The following DGKG variants were observed in gnomAD, a reference collection of about 807,000 sequenced individuals.
The protein encoded by DGKG is DAG kinase gamma.
Under a neutral mutation model 105.3 loss-of-function variants are expected in DGKG, and 78 were observed. The ratio of observed to expected loss-of-function variants is 0.74; its 90% CI spans 0.62 to 0.89. The LOEUF is 0.89. DGKG is among the 40% of genes least tolerant of loss of function. DGKG has a pLI of 0.00. For synonymous variants in DGKG, 346 were observed against 367.1 expected (o/e 0.94, Z 0.66); for missense variants, 958 against 1,020.1 (o/e 0.94, Z 0.83).
At chr3:186,258,688 G>A (rs750889719) in intron 16 of DGKG, among the ~76,000 whole-genome samples, 15 of 152,028 alleles carry the variant, frequency 9.9e-5, no homozygotes, top group Non-Finnish European at 1.6e-4. Context: ...GCTCATCACT[G>A]CTTGGAATTT....
intron 1 of DGKG, among the ~76,000 whole-genome samples, chr3:186,350,117 T>C (rs1275347872): frequency 6.6e-6 from 1 of 152,152 alleles, no homozygotes; most frequent in Non-Finnish European, 1.5e-5. Context: ...CTCGAACTCC[T>C]GACCTCTGGT....
In DGKG at chr3:186,302,533, CATATGT is replaced by C. The variant is rs1439064976; in HGVS notation, c.145-4310_145-4305del. ...ATATGTGTATATATATATATATATA[CATATGT>C]ATATATATATATATATATACACATA... On this transcript the variant is annotated intron_variant, in intron 3 of 24. Transcript: ENST00000265022. Among the ~76,000 whole-genome samples the C allele has an allele frequency of 1.1e-3, 33 of 30,250 alleles. 1 individual carries two copies. The South Asian group carries it at 0.035, about 33-fold the overall frequency. The allele number at this position is 30,250 out of a possible 152,430, so 19.8% of individuals were successfully genotyped here.
At chr3:186,152,295 T>C in intron 24 of DGKG, among the ~76,000 whole-genome samples, 1 of 152,128 alleles carries the variant, frequency 6.6e-6, no homozygotes, top group East Asian at 1.9e-4. Flanking sequence ...TTTTGTGCTG[T>C]GTGTCTTATT....
intron 1 of DGKG, among the ~76,000 whole-genome samples, chr3:186,327,403 T>C (rs1226362744): frequency 6.6e-6 from 1 of 150,942 alleles, no homozygotes; most frequent in Non-Finnish European, 1.5e-5. Flanking sequence ...TTTTTTTTTT[T>C]TGAGGCGTGG....
chr3:186,158,669 TA>T (rs779003486), intron 24 of DGKG: 51 of 951,098 alleles, frequency 5.4e-5, no homozygotes, highest in Non-Finnish European at 6.4e-5. Context: ...TCCAAGCATT[TA>T]TTTTTTTGCT....
At chr3:186,268,999 G>T in intron 11 of DGKG, 82 bp from the exon 12 acceptor site, 1 of 962,600 alleles carries the variant, frequency 1.0e-6, no homozygotes, top group Non-Finnish European at 1.6e-6. Context: ...AAGGATCTGG[G>T]AGGGGACGCG....
chr3:186,267,867 G>A, intron 12 of DGKG, 90 bp from the exon 13 acceptor site: 5 of 1,183,110 alleles, frequency 4.2e-6, no homozygotes, highest in Non-Finnish European at 6.3e-6. Context: ...GAGGTGAGCT[G>A]TCTAGTGCTC....
chr3:186,332,148 G>A (rs1393328009), intron 1 of DGKG, among the ~76,000 whole-genome samples: 2 of 152,188 alleles, frequency 1.3e-5, no homozygotes, highest in Non-Finnish European at 2.9e-5. Context: ...AAGGGGAATG[G>A]AAGCCAGAAT....
intron 1 of DGKG, among the ~76,000 whole-genome samples, chr3:186,350,666 G>C (rs900637579): frequency 6.6e-6 from 1 of 152,178 alleles, no homozygotes; most frequent in African/African-American, 2.4e-5. Context: ...GACCCACTGT[G>C]CTGTTTTCCA....
At chr3:186,351,757 T>C (rs1453609133) in intron 1 of DGKG, among the ~76,000 whole-genome samples, 4 of 152,212 alleles carry the variant, frequency 2.6e-5, no homozygotes, top group African/African-American at 7.2e-5. Context: ...GAAATACCCA[T>C]TGAATACAAA....
Position 186,242,509 on chromosome 3 carries a change from G to C in DGKG, c.1821C>G (p.Asn607Lys). 1 of 1,613,230 alleles carries C rather than the reference G, an allele frequency of 6.2e-7. No individual in the cohort carries two copies. Residue 607 changes from asparagine to lysine, a missense_variant, in exon 20 of 25, where the codon AAC (asparagine) becomes AAG (lysine). Physicochemically the swap from Asn to Lys is moderately conservative, Grantham distance 94 (BLOSUM62 0). Coordinates refer to ENST00000265022, the MANE Select transcript of DGKG (RefSeq NM_001346.3). ...CAGCCGGGCCTGCAGCTTACCTGCT[G>C]TTGAATTTTTCAGGATGTTTCTCTC... is the stretch of plus-strand genomic sequence containing the variant. ...VMREKHPEKF[N>K]SRMKNKLWYF...
At chr3:186,207,781 G>A (rs527239627) in intron 21 of DGKG, among the ~76,000 whole-genome samples, 1 of 152,206 alleles carries the variant, frequency 6.6e-6, no homozygotes, top group East Asian at 1.9e-4. Context: ...TGAGTCACAG[G>A]CAGGGCCAGG....
At chr3:186,161,881 C>CTG (rs1270938097) in intron 23 of DGKG, among the ~76,000 whole-genome samples, 10 of 147,658 alleles carry the variant, frequency 6.8e-5, no homozygotes, top group South Asian at 2.3e-4. Flanking sequence ...GTCTGTGTTT[C>CTG]TGTGTCTGTG....
Position 186,260,458 on chromosome 3 carries a change from T to C in DGKG, c.1405A>G (p.Asn469Asp). 1 of 1,612,912 alleles carries C rather than the reference T, an allele frequency of 6.2e-7. No individual in the cohort carries two copies. Among genetic ancestry groups the C allele is most frequent in the Non-Finnish European group, 8.5e-7 (1 of 1,178,930 alleles). ...CCATACCCTGGAGTAGGCCCCCCAT[T>C]GTCCAGGTTGAAAACTTGTTTGGGG... ...LNPKQVFNLD[N>D]GGPTPGLNFF... The change falls in exon 16 of 25, where the codon AAT (asparagine) becomes GAT (aspartate). Residue 469 changes from asparagine (N) to aspartate (D), a missense_variant. Transcript: ENST00000265022.
At chr3:186,296,047 T>C (rs1723544638) in intron 5 of DGKG, among the ~76,000 whole-genome samples, 1 of 150,656 alleles carries the variant, frequency 6.6e-6, no homozygotes, top group Admixed American at 6.6e-5. Flanking sequence ...AGCTCGAGGC[T>C]GCAGTAGGCT....
Position 186,226,607 on chromosome 3 carries a change from T to C in DGKG, c.1827-14722A>G, listed in dbSNP as rs1719873426. On this transcript the variant is annotated intron_variant, in intron 20 of 24. Coordinates refer to ENST00000265022, the MANE Select transcript of DGKG (RefSeq NM_001346.3). This position sits in a 1 kb window ranked among gnomAD's most constrained non-coding sequence, Gnocchi z 4.2. ...TTGCAGTTTTCATTTACCCAGGACT[T>C]TCTCACTCCCTCTTACTCTGTGGTA... 6.6e-6 allele frequency among the ~76,000 whole-genome samples: 1 copy of C among 152,194 alleles called. No individual in the cohort carries two copies. The highest frequency in any genetic ancestry group is 6.5e-5 in the Admixed American group (1 of 15,280).
At chr3:186,359,613 T>C (rs561410004) in intron 1 of DGKG, among the ~76,000 whole-genome samples, 3 of 152,250 alleles carry the variant, frequency 2.0e-5, no homozygotes, top group Non-Finnish European at 4.4e-5. Flanking sequence ...GGATTGATAG[T>C]AATAACACCT....
intron 21 of DGKG, among the ~76,000 whole-genome samples, 161 bp downstream of exon 21, chr3:186,211,634 T>C (rs1719044060): frequency 6.6e-6 from 1 of 152,190 alleles, no homozygotes; most frequent in South Asian, 2.1e-4. Context: ...TGGAGCCTTC[T>C]GAGTGAGCGT....
intron 1 of DGKG, among the ~76,000 whole-genome samples, chr3:186,333,056 G>T (rs1325105122): frequency 6.6e-6 from 1 of 152,116 alleles, no homozygotes; most frequent in Non-Finnish European, 1.5e-5. Flanking sequence ...ATAACCGTAA[G>T]AAATAAGTTC....
Sources: allele counts gnomAD v4.1 joint callset (sites outside exome capture counted in the v4.1 genomes callset), GRCh38; gene constraint gnomAD v4.1.1; non-coding constraint Gnocchi (gnomAD v3.1); transcripts MANE v1.5; gene names NCBI Gene and HGNC (gene_info 2026-07-23, HGNC 2026-07-21).